The following PPP6R3 variants were observed in gnomAD, a reference collection of about 807,000 sequenced individuals.
The protein encoded by PPP6R3 is serine/threonine-protein phosphatase 6 regulatory subunit 3.
A neutral mutation model predicts 110.7 loss-of-function variants in PPP6R3; 38 were observed. The ratio of observed to expected loss-of-function variants is 0.34; its 90% CI spans 0.26 to 0.45. The LOEUF (loss-of-function observed/expected upper bound fraction) is 0.45, where lower values mean the gene tolerates loss of function less well. PPP6R3 is among the 20% of genes least tolerant of loss of function. PPP6R3 has a pLI of 1.00. For synonymous variants in PPP6R3, 369 were observed against 373.5 expected (o/e 0.99, Z 0.14); for missense variants, 870 against 1,062.4 (o/e 0.82, Z 2.52).
chr11:68,543,518 G>T (rs376983720), intron 3 of PPP6R3, among the ~76,000 whole-genome samples: 2 of 152,016 alleles, frequency 1.3e-5, no homozygotes, highest in East Asian at 3.9e-4. Context: ...TGGCTTTCTG[G>T]TTCGTCACCA....
chr11:68,485,527 T>G (rs1018470921), intron 1 of PPP6R3, among the ~76,000 whole-genome samples: 2 of 152,176 alleles, frequency 1.3e-5, no homozygotes, highest in Non-Finnish European at 2.9e-5. Flanking sequence ...TTTTGATATA[T>G]GTTGTTTATC....
rs140858043 is a variant in PPP6R3 at position 68,491,008 on chromosome 11, A to G, written c.-157-28493A>G. On this transcript the variant is annotated intron_variant, in intron 1 of 23. Transcript: ENST00000393800. ...TGAGACCAACCTGGTCAACTTGATG[A>G]AACCCCATCTCTACAAAAAGTACAA... Among the ~76,000 whole-genome samples the G allele has an allele frequency of 2.6e-3, 401 of 152,224 alleles. 1 individual carries two copies. Among genetic ancestry groups the G allele is most frequent in the Middle Eastern group, 0.017 (5 of 294 alleles).
intron 1 of PPP6R3, among the ~76,000 whole-genome samples, chr11:68,461,157 C>T (rs1377827333): frequency 1.3e-5 from 2 of 150,764 alleles, no homozygotes; most frequent in Non-Finnish European, 3.0e-5. Flanking sequence ...TGACCCGGCT[C>T]TGGCTCCAGC....
intron 17 of PPP6R3, 48 bp from the exon 18 acceptor site, chr11:68,591,523 ATAACT>A (rs878940319): frequency 2.0e-6 from 3 of 1,493,504 alleles, no homozygotes; most frequent in Non-Finnish European, 2.7e-6. Flanking sequence ...TTAAGAGAAG[ATAACT>A]TGACTTTAAA....
At chr11:68,612,272 G>GCTGA (rs1177305346) in intron 23 of PPP6R3, among the ~76,000 whole-genome samples, 3 of 152,202 alleles carry the variant, frequency 2.0e-5, no homozygotes, top group Non-Finnish European at 4.4e-5. Context: ...TGTGTGCAGA[G>GCTGA]CTGACTTTTT....
intron 3 of PPP6R3, among the ~76,000 whole-genome samples, chr11:68,538,917 C>A (rs142426835): frequency 2.0e-5 from 3 of 152,150 alleles, no homozygotes; most frequent in Non-Finnish European, 2.9e-5. Context: ...GTCAGTAGTT[C>A]GAGACCAACC....
intron 2 of PPP6R3, among the ~76,000 whole-genome samples, chr11:68,531,621 A>G (rs1038710580): frequency 1.3e-5 from 2 of 152,134 alleles, no homozygotes; most frequent in Non-Finnish European, 2.9e-5. Context: ...GCCCTAGACT[A>G]TTCATTCCTG....
rs1945080877 is a variant in PPP6R3, at chr11:68,615,314, C to CT, written c.*2198dup. On this transcript the variant is annotated 3_prime_UTR_variant, in exon 24 of 24. Transcript: ENST00000393800. The stretch of plus-strand genomic sequence containing the variant: ...GTATTCAAAATAACAAAAATAAAGC[C>CT]TGATTCTTTGTTTCTAGAAATCTCT... 2.8e-6 allele frequency: 1 copy of CT among 353,218 alleles called. No individual in the cohort carries two copies. Among genetic ancestry groups the CT allele is most frequent in the Admixed American group, 3.8e-5 (1 of 26,472 alleles). The allele number at this position is 353,218 out of a possible 1,614,324, so 21.9% of individuals were successfully genotyped here. A position where few individuals can be genotyped will look rare whatever the true frequency, so the allele number is the denominator to read the frequency against.
chr11:68,572,176 C>A (rs2099510062), intron 12 of PPP6R3, among the ~76,000 whole-genome samples: 1 of 152,058 alleles, frequency 6.6e-6, no homozygotes, highest in African/African-American at 2.4e-5. Context: ...CTGTTTGTGG[C>A]CCAGTTGACA....
chr11:68,602,639 C>T (rs373059098), intron 21 of PPP6R3, among the ~76,000 whole-genome samples: 2 of 152,096 alleles, frequency 1.3e-5, no homozygotes, highest in Non-Finnish European at 2.9e-5. Flanking sequence ...ACCCTCCTTC[C>T]CAGGGGCAAG....
chr11:68,569,663 A>G, intron 10 of PPP6R3, 85 bp from the exon 11 acceptor site: 2 of 1,220,942 alleles, frequency 1.6e-6, no homozygotes, highest in Non-Finnish European at 2.2e-6. Flanking sequence ...TTTTTACTTT[A>G]TTAAATCACT....
intron 1 of PPP6R3, among the ~76,000 whole-genome samples, chr11:68,491,958 G>A (rs898523625): frequency 2.6e-5 from 4 of 152,108 alleles, no homozygotes; most frequent in Non-Finnish European, 4.4e-5. Context: ...TGGGCCACAG[G>A]TTGGACCAGC....
chr11:68,501,131 T>C (rs1247786276), intron 1 of PPP6R3, among the ~76,000 whole-genome samples: 1 of 152,218 alleles, frequency 6.6e-6, no homozygotes, highest in African/African-American at 2.4e-5. Flanking sequence ...TGGCTTTCCT[T>C]CTCTTGTTGC....
chr11:68,513,119 T>C (rs922697524), intron 1 of PPP6R3, among the ~76,000 whole-genome samples: 7 of 152,126 alleles, frequency 4.6e-5, no homozygotes, highest in Non-Finnish European at 8.8e-5. Context: ...CTGGCGTCCC[T>C]GGTTCTCAGG....
chr11:68,549,228 A>G (rs2099361264), intron 5 of PPP6R3, among the ~76,000 whole-genome samples: 1 of 152,158 alleles, frequency 6.6e-6, no homozygotes. Flanking sequence ...GCTTTGCAGA[A>G]CCATGCTTCA....
Position 68,554,210 on chromosome 11 carries a change from A to T in PPP6R3, c.684A>T (p.Gln228His), listed in dbSNP as rs1480579151. 1 of 1,614,032 alleles carries T rather than the reference A, an allele frequency of 6.2e-7. No homozygotes were observed. Among genetic ancestry groups the T allele is most frequent in the Non-Finnish European group, 8.5e-7 (1 of 1,179,944 alleles). ...GCCTGAGCAGAGACCAGATGTTACA[A>T]ATTCAGAACAGTACAGAGCCCGACC... ...IVRLSRDQML[Q>H]IQNSTEPDPL... The change falls in exon 7 of 24, where the codon CAA becomes CAT. Residue 228 changes from glutamine to histidine, a missense_variant. Coordinates refer to ENST00000393800, the MANE Select transcript of PPP6R3 (RefSeq NM_001164161.2).
Position 68,544,854 on chromosome 11 carries a change from T to G in PPP6R3, c.244T>G (p.Cys82Gly). ...KIRYKYPNISCELLTSDVSQM... is the reference protein window; with the variant it reads ...KIRYKYPNISGELLTSDVSQM... ...TTCTTCTAGGTATCCAAATATATCT[T>G]GTGAGTTGCTCACTTCTGATGTCTC... is the stretch of plus-strand genomic sequence containing the variant. The change falls in exon 4 of 24, where the codon TGT (cysteine) becomes GGT (glycine). Residue 82 changes from cysteine to glycine, a missense_variant. Physicochemically the swap from Cys to Gly is radical, Grantham distance 159. Transcript: ENST00000393800. The G allele has an allele frequency of 1.3e-6, 2 of 1,599,804 alleles. No homozygotes were observed. The highest frequency in any genetic ancestry group is 1.7e-6 in the Non-Finnish European group (2 of 1,167,742).
intron 1 of PPP6R3, among the ~76,000 whole-genome samples, chr11:68,497,208 G>A (rs1266646687): frequency 2.4e-4 from 16 of 68,030 alleles, no homozygotes; most frequent in South Asian, 7.8e-4. Flanking sequence ...CACCACGCCC[G>A]GCTAATTTTT....
chr11:68,562,737 G>T (rs971485497), intron 8 of PPP6R3, among the ~76,000 whole-genome samples: 5 of 152,084 alleles, frequency 3.3e-5, no homozygotes, highest in African/African-American at 1.2e-4. Flanking sequence ...TATATATTTT[G>T]CAGATTATGC....
Sources: gnomAD v4.1 joint callset for allele counts (sites outside exome capture counted in the v4.1 genomes callset) on GRCh38, gnomAD v4.1.1 for gene constraint, MANE v1.5 for transcripts, NCBI Gene and HGNC (gene_info 2026-07-23, HGNC 2026-07-21) for gene names.